Variants in VARS2 observed in about 807,000 individuals in gnomAD.
The protein encoded by VARS2 is valyl-tRNA synthetase 2, mitochondrial.
A neutral mutation model predicts 154.1 loss-of-function variants in VARS2; 105 were observed. That is an observed-to-expected ratio of 0.68 (90% confidence interval 0.58 to 0.80). The LOEUF is 0.80. Ranked by LOEUF, VARS2 falls within the 30% of genes least tolerant of loss-of-function variation. VARS2 has a pLI of 0.00. For synonymous variants in VARS2, 483 were observed against 539.5 expected (o/e 0.90, Z 1.45); for missense variants, 1,157 against 1,361.4 (o/e 0.85, Z 2.36).
In VARS2 at chr6:30,916,923, C is replaced by T; in HGVS notation, c.717C>T (p.Ser239=). 6.2e-7 allele frequency: 1 copy of T among 1,614,172 alleles called. No individual in the cohort carries two copies. ...AGCAGCTGCGAGCTCTGGGTGCCTC[C>T]CTGGACTGGGATCGAGAGTGTTTTA... is the stretch of plus-strand genomic sequence containing the variant. ...ICEQLRALGA[S]LDWDRECFTM... is the part of the protein sequence containing the mutation. The change falls in exon 8 of 30, where the codon TCC becomes TCT. Residue 239 remains serine (S), a synonymous_variant. Coordinates refer to ENST00000676266, the MANE Select transcript of VARS2 (RefSeq NM_020442.6). This position sits in a 1 kb window ranked among gnomAD's most constrained non-coding sequence, Gnocchi z 4.0.
chr6:30,923,401 C>G lies in VARS2; in HGVS notation c.2362C>G (p.Leu788Val). The G allele has an allele frequency of 6.2e-7, 1 of 1,612,390 alleles. No homozygotes were observed. The highest frequency in any genetic ancestry group is 1.1e-5 in the South Asian group (1 of 91,082). ...MDAWILSRLA[L>V]AAQECERGFL... ...TGCCTGGATCCTGAGCCGCCTTGCC[C>G]TGGCTGCCCAGGAGTGTGAGCGGGG... The change falls in exon 25 of 30, where the codon CTG becomes GTG. Residue 788 changes from leucine to valine, a missense_variant. Physicochemically the swap from Leu to Val is conservative, Grantham distance 32. Coordinates refer to ENST00000676266, the MANE Select transcript of VARS2 (RefSeq NM_020442.6).
Position 30,915,768 on chromosome 6 carries a change from G to A in VARS2, c.407G>A (p.Gly136Glu). Residue 136 changes from glycine to glutamate, a missense_variant, in exon 5 of 30, where the codon GGG becomes GAG. Coordinates refer to ENST00000676266, the MANE Select transcript of VARS2 (RefSeq NM_020442.6). ...TAGGCCCGGCTGCCCCAAGCTACAG[G>A]GGAGACCTTTTCCATGTGTATCCCA... is the stretch of plus-strand genomic sequence containing the variant. ...EYQARLPQAT[G>E]ETFSMCIPPP... 6.2e-7 allele frequency: 1 copy of A among 1,613,556 alleles called. No homozygotes were observed. The highest frequency in any genetic ancestry group is 2.2e-5 in the East Asian group (1 of 44,890).
chr6:30,923,072 A>C, intron 23 of VARS2, 32 bp from the exon 24 acceptor site: 1 of 1,611,880 alleles, frequency 6.2e-7, no homozygotes, highest in Non-Finnish European at 8.5e-7. Context: ...GCTGCCACCT[A>C]CATGCAGACT....
In VARS2 at chr6:30,919,613, T is replaced by A; in HGVS notation, c.1075-145T>A. 1 of 556,486 alleles carries A rather than the reference T, an allele frequency of 1.8e-6. No individual in the cohort carries two copies. The allele number at this position is 556,486 out of a possible 1,614,324, so 34.5% of individuals were successfully genotyped here. On this transcript the variant is annotated intron_variant, in intron 11 of 29. Coordinates refer to ENST00000676266, the MANE Select transcript of VARS2 (RefSeq NM_020442.6). This position sits in a 1 kb window ranked among gnomAD's most constrained non-coding sequence, Gnocchi z 4.5. Reference sequence around the variant, plus strand: ...GCCCAAAAGCCTAAAATATCTACATTCTGGCCCCTTAAGAGTTTGCTGACC... The same window carrying A: ...GCCCAAAAGCCTAAAATATCTACATACTGGCCCCTTAAGAGTTTGCTGACC...
intron 10 of VARS2, among the ~76,000 whole-genome samples, chr6:30,918,062 TTTTGTTTG>T (rs147192830): frequency 4.6e-5 from 7 of 151,542 alleles, no homozygotes; most frequent in Non-Finnish European, 7.4e-5. Context: ...GTATGTTTTG[TTTTGTTTG>T]TTTGTTTGTT....
chr6:30,923,210 TGTG>T lies in VARS2; in HGVS notation c.2293_2295del (p.Val765del), dbSNP rs762195623. On this transcript the variant is annotated inframe_deletion, in exon 24 of 30. Coordinates refer to ENST00000676266, the MANE Select transcript of VARS2 (RefSeq NM_020442.6). ...TCCTCAATGCTTTAGGGGAGAAATT[TGTG>T]CCACAGCCTGCTGAGGAGGTAAGAG... 1.5e-4 allele frequency: 244 copies of T among 1,613,124 alleles called. 5 individuals are homozygous for T. The South Asian group carries it at 2.1e-3, about 14-fold the overall frequency.
Position 30,914,712 on chromosome 6 carries a change from A to G in VARS2, c.-27-98A>G, listed in dbSNP as rs1439889769. On this transcript the variant is annotated intron_variant, in intron 1 of 29. Coordinates refer to ENST00000676266, the MANE Select transcript of VARS2 (RefSeq NM_020442.6). Reference sequence around the variant, plus strand: ...GTGGAAGGGAATAGAGACTTGGAATAACAGACCTGTGCTAATTAGAGACAG... The same window carrying G: ...GTGGAAGGGAATAGAGACTTGGAATGACAGACCTGTGCTAATTAGAGACAG... The G allele has an allele frequency of 2.4e-6, 3 of 1,251,102 alleles. No individual in the cohort carries two copies. The African/African-American group carries it at 4.5e-5, about 19-fold the overall frequency. The allele number at this position is 1,251,102 out of a possible 1,614,324, so 77.5% of individuals were successfully genotyped here. A position where few individuals can be genotyped will look rare whatever the true frequency, so the allele number is the denominator to read the frequency against.
chr6:30,925,286 C>T lies in VARS2; in HGVS notation c.2686C>T (p.Gln896Ter), dbSNP rs1205118546. Residue 896 changes from glutamine (Q) to a stop codon, truncating the protein, a stop_gained, in exon 27 of 30, where the codon CAG becomes TAG. Coordinates refer to ENST00000676266, the MANE Select transcript of VARS2 (RefSeq NM_020442.6). LOFTEE classifies it high-confidence loss of function. ...PSACSLEHWR[Q>*]PELERRFSRV... Reference sequence around the variant, plus strand: ...CCCCCATTGCCAGGAGCACTGGCGCCAGCCAGAGCTGGAGCGGCGCTTCTC... The same window carrying T: ...CCCCCATTGCCAGGAGCACTGGCGCTAGCCAGAGCTGGAGCGGCGCTTCTC... 1.9e-6 allele frequency: 3 copies of T among 1,611,662 alleles called. No individual in the cohort carries two copies. The highest frequency in any genetic ancestry group is 1.3e-5 in the African/African-American group (1 of 75,040).
chr6:30,920,038 A>G lies in VARS2; in HGVS notation c.1166-51A>G, dbSNP rs1402922453. 9.8e-7 allele frequency: 1 copy of G among 1,017,858 alleles called. No individual in the cohort carries two copies. Among genetic ancestry groups the G allele is most frequent in the Non-Finnish European group, 1.3e-6 (1 of 783,434 alleles). The allele number at this position is 1,017,858 out of a possible 1,614,324, so 63.1% of individuals were successfully genotyped here. A position where few individuals can be genotyped will look rare whatever the true frequency, so the allele number is the denominator to read the frequency against. ...GCAGGTGATGATGATACATCTGGAA[A>G]AGCAAAAGCCAAGGTCAGGTTCAGT... On this transcript the variant is annotated intron_variant, in intron 12 of 29. Coordinates refer to ENST00000676266, the MANE Select transcript of VARS2 (RefSeq NM_020442.6). The surrounding 1 kb of genome is among the most constrained non-coding windows in gnomAD (Gnocchi z 4.6).
rs1191144095 is a variant in VARS2, at chr6:30,921,146, G to T, written c.1556+5G>T. On this transcript the variant is annotated splice_donor_5th_base_variant and intron_variant, in intron 16 of 29. Coordinates refer to ENST00000676266, the MANE Select transcript of VARS2 (RefSeq NM_020442.6). The surrounding 1 kb of genome is among the most constrained non-coding windows in gnomAD (Gnocchi z 4.6). ...GCACTGGTTTTCCCATATTGGGTAA[G>T]GGTAGGGTAAGGGGAGCTCTTGTGG... is the stretch of plus-strand genomic sequence containing the variant. The T allele has an allele frequency of 1.2e-6, 2 of 1,614,030 alleles. No individual in the cohort carries two copies. The highest frequency in any genetic ancestry group is 4.5e-5 in the East Asian group (2 of 44,876).
In VARS2 at chr6:30,921,017, C is replaced by G. The variant is rs781553822; in HGVS notation, c.1480-48C>G. 1 of 1,554,212 alleles carries G rather than the reference C, an allele frequency of 6.4e-7. No individual in the cohort carries two copies. The highest frequency in any genetic ancestry group is 8.7e-7 in the Non-Finnish European group (1 of 1,145,746). ...GCCACTCGTCCTATCTGTGGAGGTG[C>G]GGCCGTGCAGGAAGGGCAACATTGT... On this transcript the variant is annotated intron_variant, in intron 15 of 29. Coordinates refer to ENST00000676266, the MANE Select transcript of VARS2 (RefSeq NM_020442.6). This position sits in a 1 kb window ranked among gnomAD's most constrained non-coding sequence, Gnocchi z 4.6.
rs1372087028 is a variant in VARS2, at chr6:30,925,539, T to C, written c.2786-5T>C. The C allele has an allele frequency of 6.4e-7, 1 of 1,574,696 alleles. No individual in the cohort carries two copies. The highest frequency in any genetic ancestry group is 1.2e-5 in the South Asian group (1 of 85,292). ...CCTTGCCCCTGACAGTTTCTTTCTT[T>C]CCAGTGCTGCTGCAGAGCTCAGAGC... is the stretch of plus-strand genomic sequence containing the variant. On this transcript the variant is annotated splice_polypyrimidine_tract_variant and splice_region_variant and intron_variant, in intron 27 of 29. Coordinates refer to ENST00000676266, the MANE Select transcript of VARS2 (RefSeq NM_020442.6).
Position 30,914,269 on chromosome 6 carries a change from G to A in VARS2, c.-103G>A, listed in dbSNP as rs910561386. The A allele has an allele frequency of 5.7e-6, 5 of 881,478 alleles. No individual in the cohort carries two copies. The African/African-American group carries it at 6.9e-5, about 12-fold the overall frequency. 54.6% of individuals were successfully genotyped at this position (881,478 alleles called of 1,614,324 possible). On this transcript the variant is annotated 5_prime_UTR_variant, in exon 1 of 30. Coordinates refer to ENST00000676266, the MANE Select transcript of VARS2 (RefSeq NM_020442.6). ...ATGCGCCGCGCGGCTCCAGGGCCAC[G>A]TTCCAGGGTCGGGTTTGGTGGATTC...
At position 30,924,530 on chromosome 6, in the gene VARS2, G is replaced by A. The variant is rs760362780; in HGVS notation, c.2643G>A (p.Ser881=). The part of the protein sequence containing the change: ...RPGCPPAPSI[S]VAPYPSACSL... ...GTTGCCCCCCTGCCCCCAGCATCTCGGTTGCCCCCTACCCCAGCGCCTGCA... is the reference window on the plus strand; with the variant it reads ...GTTGCCCCCCTGCCCCCAGCATCTCAGTTGCCCCCTACCCCAGCGCCTGCA... Residue 881 remains serine (S), a synonymous_variant, in exon 26 of 30, where the codon TCG becomes TCA. Coordinates refer to ENST00000676266, the MANE Select transcript of VARS2 (RefSeq NM_020442.6). 4.5e-6 allele frequency: 7 copies of A among 1,572,866 alleles called. No individual in the cohort carries two copies. In the African/African-American group the frequency reaches 5.4e-5, roughly 12 times the overall value.
At position 30,918,840 on chromosome 6, in the gene VARS2, G is replaced by C; in HGVS notation, c.999G>C (p.Val333=). 6.2e-7 allele frequency: 1 copy of C among 1,613,016 alleles called. No individual in the cohort carries two copies. The highest frequency in any genetic ancestry group is 8.5e-7 in the Non-Finnish European group (1 of 1,180,030). The change falls in exon 11 of 30, where the codon GTG becomes GTC. Residue 333 remains valine, a synonymous_variant. Transcript: ENST00000676266. ...GTTTATCTTCAGATGCAGAGGTTGT[G>C]GTAGGAACCACAAGGCCAGAGACGC... ...PVDGEPDAEV[V]VGTTRPETLP...
chr6:30,921,501 A>G lies in VARS2; in HGVS notation c.1633-88A>G. ...CCCCTGGGGGAACCTGGCCACTCTAAGACCACATGAGGACGTGAAAACCAA... is the reference window on the plus strand; with the variant it reads ...CCCCTGGGGGAACCTGGCCACTCTAGGACCACATGAGGACGTGAAAACCAA... On this transcript the variant is annotated intron_variant, in intron 17 of 29. Coordinates refer to ENST00000676266, the MANE Select transcript of VARS2 (RefSeq NM_020442.6). This position sits in a 1 kb window ranked among gnomAD's most constrained non-coding sequence, Gnocchi z 4.6. The G allele has an allele frequency of 6.6e-7, 1 of 1,504,756 alleles. No individual in the cohort carries two copies. Among genetic ancestry groups the G allele is most frequent in the Non-Finnish European group, 9.1e-7 (1 of 1,104,898 alleles). The allele number at this position is 1,504,756 out of a possible 1,614,324, so 93.2% of individuals were successfully genotyped here.
chr6:30,918,784 G>T (rs1794328334), intron 10 of VARS2, 43 bp from the exon 11 acceptor site: 1 of 1,220,014 alleles, frequency 8.2e-7, no homozygotes, highest in Non-Finnish European at 1.2e-6. Context: ...AGTGAGAGGT[G>T]AGGATGATGA....
At position 30,919,647 on chromosome 6, in the gene VARS2, G is replaced by C. The variant is rs535812862; in HGVS notation, c.1075-111G>C. On this transcript the variant is annotated intron_variant, in intron 11 of 29. Transcript: ENST00000676266. This position sits in a 1 kb window ranked among gnomAD's most constrained non-coding sequence, Gnocchi z 4.5. ...TTAAGAGTTTGCTGACCTTGCTCTA[G>C]CTTGCTACCTTCCACTTTCTACCTT... 1.2e-6 allele frequency: 1 copy of C among 833,766 alleles called. No homozygotes were observed. Among genetic ancestry groups the C allele is most frequent in the Non-Finnish European group, 1.8e-6 (1 of 565,390 alleles). The allele number at this position is 833,766 out of a possible 1,614,324, so 51.6% of individuals were successfully genotyped here. A position where few individuals can be genotyped will look rare whatever the true frequency, so the allele number is the denominator to read the frequency against.
chr6:30,925,971 C>G lies in VARS2; in HGVS notation c.3053C>G (p.Pro1018Arg). ...KQLDSLTART[P>R]SEGEAGTQRQ... Reference sequence around the variant, plus strand: ...CTTGACAGCCTCACAGCCAGGACCCCATCAGAAGGGGAGGCAGGGACTCAG... The same window carrying G: ...CTTGACAGCCTCACAGCCAGGACCCGATCAGAAGGGGAGGCAGGGACTCAG... Residue 1018 changes from proline to arginine, a missense_variant, in exon 29 of 30, where the codon CCA becomes CGA. Pro to Arg is a moderately radical substitution (Grantham distance 103). Transcript: ENST00000676266. 6.2e-7 allele frequency: 1 copy of G among 1,613,062 alleles called. No homozygotes were observed. The highest frequency in any genetic ancestry group is 1.1e-5 in the South Asian group (1 of 91,084).
Sources: allele counts gnomAD v4.1 joint callset (sites outside exome capture counted in the v4.1 genomes callset), GRCh38; gene constraint gnomAD v4.1.1; non-coding constraint Gnocchi (gnomAD v3.1); transcripts MANE v1.5; gene names NCBI Gene and HGNC (gene_info 2026-07-23, HGNC 2026-07-21).